DPP7: variants seen among roughly 807,000 people sequenced by gnomAD.
DPP7 encodes the protein dipeptidyl peptidase 7, also known as dipeptidyl peptidase 2.
A neutral mutation model predicts 58.8 loss-of-function variants in DPP7; 74 were observed. That is an observed-to-expected ratio of 1.26 (90% CI 1.04 to 1.53). The LOEUF (loss-of-function observed/expected upper bound fraction) is 1.53. Ranked by LOEUF, DPP7 falls within the 40% of genes most tolerant of loss-of-function variation. The probability of loss-of-function intolerance (pLI) is 0.00; values close to 1 mark genes in which losing one functional copy is unlikely to be tolerated. For synonymous variants in DPP7, 350 were observed against 303.6 expected, an observed-to-expected ratio of 1.15 and a Z score of -1.59; for missense variants, 807 against 692.3, an observed-to-expected ratio of 1.17 and a Z score of -1.86.
In DPP7 at chr9:137,113,246, C is replaced by T; in HGVS notation, c.663G>A (p.Arg221=). The T allele has an allele frequency of 6.2e-7, 1 of 1,613,830 alleles. No individual in the cohort carries two copies. Among genetic ancestry groups the T allele is most frequent in the South Asian group, 1.1e-5 (1 of 91,076 alleles). ...AGTCCTTGATCTGTCGGAACGCTTC[C>T]CGCACACCCTGGGTGCATTTGGGAC... ...GQSPKCTQGV[R]EAFRQIKDLF... is the part of the protein sequence containing the mutation. The change falls in exon 6 of 13, where the codon CGG becomes CGA. Residue 221 remains arginine, a synonymous_variant. Coordinates refer to ENST00000371579, the MANE Select transcript of DPP7 (RefSeq NM_013379.3).
chr9:137,114,944 G>A (rs1564327177), upstream of DPP7: 1 of 332,344 alleles, frequency 3.0e-6, no homozygotes, highest in East Asian at 4.6e-5. Context: ...CCATCTCCGC[G>A]GCCTCCCGCC....
chr9:137,112,252 G>C (rs1831409369), intron 8 of DPP7, 22 bp from the exon 9 acceptor site: 1 of 1,580,590 alleles, frequency 6.3e-7, no homozygotes, highest in African/African-American at 1.3e-5. Flanking sequence ...AGGCGCTGGG[G>C]CCCAGCGGCC....
At chr9:137,116,976 C>G (rs1391574470), upstream of DPP7, among the ~76,000 whole-genome samples, 1 of 152,176 alleles carries the variant, frequency 6.6e-6, no homozygotes, top group Non-Finnish European at 1.5e-5. Context: ...GACACAGATG[C>G]CTTTGCTCAC....
rs769564548 is a variant in DPP7, at chr9:137,114,662, C to G, written c.52G>C (p.Gly18Arg). ...CGCCACTCACCCCCCGCCTGGAGGCCGCGCAGCCCGAGCGCCAGCAGCAGG... is the reference window on the plus strand; with the variant it reads ...CGCCACTCACCCCCCGCCTGGAGGCGGCGCAGCCCGAGCGCCAGCAGCAGG... ...PVLLLALGLR[G>R]LQAGARRAPD... The change falls in exon 1 of 13, where the codon GGC becomes CGC. Residue 18 changes from glycine to arginine, a missense_variant. Transcript: ENST00000371579. 8.1e-6 allele frequency: 11 copies of G among 1,365,030 alleles called. No homozygotes were observed. The African/African-American group carries it at 9.2e-5, about 11-fold the overall frequency. The allele number at this position is 1,365,030 out of a possible 1,614,324, so 84.6% of individuals were successfully genotyped here. A position where few individuals can be genotyped will look rare whatever the true frequency, so the allele number is the denominator to read the frequency against.
Position 137,113,933 on chromosome 9 carries a change from T to G in DPP7, c.417A>C (p.Ala139=), listed in dbSNP as rs1464779077. ...LTVEQALADF[A]ELLRALRRDL... ...CGCGTCGTAGCGCGCGGAGCAGCTC[T>G]GCGAAGTCGGCCAGGGCCTGCTCCA... is the stretch of plus-strand genomic sequence containing the variant. Residue 139 remains alanine (A), a synonymous_variant, in exon 4 of 13, where the codon GCA becomes GCC. Transcript: ENST00000371579. The G allele has an allele frequency of 6.3e-7, 1 of 1,584,772 alleles. No homozygotes were observed. Among genetic ancestry groups the G allele is most frequent in the South Asian group, 1.1e-5 (1 of 88,912 alleles).
rs1301397959 is a variant in DPP7 at position 137,114,449 on chromosome 9, G to A, written c.181+14C>T. 1.3e-6 allele frequency: 2 copies of A among 1,559,528 alleles called. No homozygotes were observed. Among genetic ancestry groups the A allele is most frequent in the Non-Finnish European group, 1.7e-6 (2 of 1,152,520 alleles). On this transcript the variant is annotated intron_variant, in intron 2 of 12. Coordinates refer to ENST00000371579, the MANE Select transcript of DPP7 (RefSeq NM_013379.3). ...GGGACGGCGGGGGCGGCCGGGCCGG[G>A]GCCGGGGTCTCACCCGACACCAGGA...
Position 137,110,597 on chromosome 9 carries a change from G to A in DPP7, c.*51C>T, listed in dbSNP as rs887893307. 1.3e-6 allele frequency: 2 copies of A among 1,578,998 alleles called. No homozygotes were observed. Among genetic ancestry groups the A allele is most frequent in the African/African-American group, 2.7e-5 (2 of 73,692 alleles). ...CCCTTCCCTCTGCCGCCAGCTGCTT[G>A]AGTGAAGCCCCCACTCCATGAGGAG... On this transcript the variant is annotated 3_prime_UTR_variant, in exon 13 of 13. Transcript: ENST00000371579.
chr9:137,116,739 C>G (rs960980745), upstream of DPP7, among the ~76,000 whole-genome samples: 1 of 152,244 alleles, frequency 6.6e-6, no homozygotes, highest in Admixed American at 6.5e-5. Context: ...AAGAGGAAGG[C>G]TTCTGTCTCC....
chr9:137,113,039 C>T lies in DPP7; in HGVS notation c.784G>A (p.Ala262Thr), dbSNP rs373456341. The change falls in exon 7 of 13, where the codon GCC becomes ACC. Residue 262 changes from alanine (A) to threonine (T), a missense_variant. Coordinates refer to ENST00000371579, the MANE Select transcript of DPP7 (RefSeq NM_013379.3). ...EKDLTQLFMF[A>T]RNAFTVLAMM... is the part of the protein sequence containing the mutation. Reference sequence around the variant, plus strand: ...GCCAGCACGGTGAAGGCATTCCGGGCGAACATGAAGAGCTGGGTCAGGTCC... The same window carrying T: ...GCCAGCACGGTGAAGGCATTCCGGGTGAACATGAAGAGCTGGGTCAGGTCC... The T allele has an allele frequency of 1.3e-5, 21 of 1,613,700 alleles. No homozygotes were observed. The highest frequency in any genetic ancestry group is 2.7e-5 in the African/African-American group (2 of 74,940).
intron 10 of DPP7, 24 bp downstream of exon 10, chr9:137,111,849 T>TG (rs1831380144): frequency 6.2e-7 from 1 of 1,611,346 alleles, no homozygotes; most frequent in Non-Finnish European, 8.5e-7. Context: ...AGCAGGACGC[T>TG]GGCCCACCCC....
At chr9:137,114,103 A>G in intron 3 of DPP7, 75 bp from the exon 4 acceptor site, 1 of 466,616 alleles carries the variant, frequency 2.1e-6, no homozygotes, top group Non-Finnish European at 2.8e-6. Context: ...CCCGCCCGCG[A>G]CCCCGCCCGG....
At chr9:137,116,308 G>C (rs1831634432), upstream of DPP7, among the ~76,000 whole-genome samples, 1 of 152,236 alleles carries the variant, frequency 6.6e-6, no homozygotes, top group Admixed American at 6.5e-5. Context: ...ACATCCCTGT[G>C]CCCACAGAAA....
chr9:137,114,624 G>A (rs1011837072), intron 1 of DPP7, 23 bp downstream of exon 1: 1 of 1,403,006 alleles, frequency 7.1e-7, no homozygotes, highest in Non-Finnish European at 9.3e-7. Context: ...CCGGGGAATG[G>A]GCCGGGGGGC....
chr9:137,113,430 C>G lies in DPP7; in HGVS notation c.552G>C (p.Ala184=), dbSNP rs1399403768. 1 of 1,605,228 alleles carries G rather than the reference C, an allele frequency of 6.2e-7. No individual in the cohort carries two copies. Among genetic ancestry groups the G allele is most frequent in the East Asian group, 2.2e-5 (1 of 44,692 alleles). The change falls in exon 5 of 13, where the codon GCG becomes GCC. Residue 184 remains alanine, a synonymous_variant. Coordinates refer to ENST00000371579, the MANE Select transcript of DPP7 (RefSeq NM_013379.3). ...CCACAGCTAGAACGGGCGCGCTGGC[C>G]GCCAGCGCCCCCGCCACCAGGTGGG... is the stretch of plus-strand genomic sequence containing the variant. ...KYPHLVAGAL[A]ASAPVLAVAG...
Position 137,110,959 on chromosome 9 carries a change from A to G in DPP7, c.1273-9T>C. The G allele has an allele frequency of 6.2e-7, 1 of 1,612,744 alleles. No homozygotes were observed. The stretch of plus-strand genomic sequence containing the variant: ...CTCAGGTTCCTCCGAATCTGTGGTC[A>G]GTGGAAAGAACTCCATCAGGTGAGG... On this transcript the variant is annotated splice_polypyrimidine_tract_variant and intron_variant, in intron 11 of 12. Coordinates refer to ENST00000371579, the MANE Select transcript of DPP7 (RefSeq NM_013379.3).
chr9:137,112,066 C>T, intron 9 of DPP7, 37 bp from the exon 10 acceptor site: 1 of 1,612,274 alleles, frequency 6.2e-7, no homozygotes, highest in Admixed American at 1.7e-5. Flanking sequence ...CCAGCCCACG[C>T]CCACCCTTGC....
At position 137,113,378 on chromosome 9, in the gene DPP7, A is replaced by G; in HGVS notation, c.604T>C (p.Phe202Leu). Reference protein sequence around the residue: ...VAGLGDSNQFFRDVTADFEGQ... With the variant: ...VAGLGDSNQFLRDVTADFEGQ... ...TCACTCACCGCCGTGACGTCCCGGA[A>G]GAACTGGTTGGAGTCGCCGAGGCCT... Residue 202 changes from phenylalanine (F) to leucine (L), a missense_variant, in exon 5 of 13, where the codon TTC (phenylalanine) becomes CTC (leucine). Transcript: ENST00000371579. 6.2e-7 allele frequency: 1 copy of G among 1,610,674 alleles called. No homozygotes were observed. The highest frequency in any genetic ancestry group is 1.1e-5 in the South Asian group (1 of 91,042).
Position 137,113,438 on chromosome 9 carries a change from C to T in DPP7, c.544G>A (p.Ala182Thr). The T allele has an allele frequency of 2.5e-6, 4 of 1,604,878 alleles. No homozygotes were observed. Among genetic ancestry groups the T allele is most frequent in the Non-Finnish European group, 3.4e-6 (4 of 1,174,748 alleles). ...RMKYPHLVAG[A>T]LAASAPVLAV... is the part of the protein sequence containing the mutation. ...AGAACGGGCGCGCTGGCCGCCAGCG[C>T]CCCCGCCACCAGGTGGGGATACTTC... Residue 182 changes from alanine to threonine, a missense_variant, in exon 5 of 13, where the codon GCG becomes ACG. Ala to Thr is a moderately conservative substitution (Grantham distance 58, BLOSUM62 0). Around this residue, in one of 3 missense-constraint regions of DPP7, gnomAD observed 624 missense variants for 531.2 expected, o/e 1.17. Transcript: ENST00000371579.
chr9:137,112,864 G>T, intron 7 of DPP7, 59 bp from the exon 8 acceptor site: 1 of 1,601,326 alleles, frequency 6.2e-7, no homozygotes, highest in Non-Finnish European at 8.5e-7. Context: ...CCGCCTCCCT[G>T]GCTCCCAGGA....
Sources: gnomAD v4.1 joint callset for allele counts (sites outside exome capture counted in the v4.1 genomes callset) on GRCh38, gnomAD v4.1.1 for gene constraint, gnomAD v4.1.1 regional missense constraint, MANE v1.5 for transcripts, NCBI Gene and HGNC (gene_info 2026-07-23, HGNC 2026-07-21) for gene names.